The following MED13L variants were observed in gnomAD, a reference collection of about 807,000 sequenced individuals.
MED13L encodes the protein mediator complex subunit 13L.
Under a neutral mutation model 220.9 loss-of-function variants are expected in MED13L, and 7 were observed. The observed-to-expected ratio is 0.03, with a 90% CI of 0.02 to 0.06. The LOEUF is 0.06. Among genes scored for constraint, MED13L ranks in the 10% least tolerant of loss-of-function variants. The pLI is 1.00. For missense variants in MED13L, 1,965 were observed against 2,760.5 expected, an observed-to-expected ratio of 0.71 and a Z score of 6.46; for synonymous variants, 1,011 against 1,015.2, an observed-to-expected ratio of 1.00 and a Z score of 0.08.
At chr12:116,043,611 G>A (rs1343328337) in intron 4 of MED13L, among the ~76,000 whole-genome samples, 1 of 152,146 alleles carries the variant, frequency 6.6e-6, no homozygotes, top group Non-Finnish European at 1.5e-5. Flanking sequence ...AATAAAAGCA[G>A]GCAAGTTAAA....
chr12:116,118,176 C>A (rs1338656927), intron 2 of MED13L, among the ~76,000 whole-genome samples: 1 of 152,002 alleles, frequency 6.6e-6, no homozygotes, highest in African/African-American at 2.4e-5. Flanking sequence ...CTCATCTGTT[C>A]TTTTATATTC....
intron 2 of MED13L, among the ~76,000 whole-genome samples, chr12:116,135,197 G>A (rs868838308): frequency 3.9e-5 from 6 of 152,112 alleles, no homozygotes; most frequent in African/African-American, 1.4e-4. Flanking sequence ...AAAAGCAAGT[G>A]ACAACACATA....
chr12:116,270,079 G>A (rs1237735573), intron 1 of MED13L, among the ~76,000 whole-genome samples: 3 of 151,506 alleles, frequency 2.0e-5, no homozygotes, highest in African/African-American at 4.8e-5. Context: ...AAGAAAAACA[G>A]GAGTTCCTAA....
Position 116,076,658 on chromosome 12 carries a change from A to T in MED13L, c.479+20011T>A, listed in dbSNP as rs552037897. Among the ~76,000 whole-genome samples, 4 of 152,338 alleles carry T rather than the reference A, an allele frequency of 2.6e-5. No individual in the cohort carries two copies. In the South Asian group the frequency reaches 8.3e-4, roughly 32 times the overall value. On this transcript the variant is annotated intron_variant, in intron 4 of 30. Transcript: ENST00000281928. ...GAGCAATTGGGAGAAGTTATGTATGAATCACCATAATATTGTGACAAGTCT... is the reference window on the plus strand; with the variant it reads ...GAGCAATTGGGAGAAGTTATGTATGTATCACCATAATATTGTGACAAGTCT...
At chr12:116,118,865 AT>A (rs1300493610) in intron 2 of MED13L, among the ~76,000 whole-genome samples, 1 of 152,222 alleles carries the variant, frequency 6.6e-6, no homozygotes, top group Non-Finnish European at 1.5e-5. Context: ...AGCAAAAATT[AT>A]TTTGAAACTT....
intron 1 of MED13L, among the ~76,000 whole-genome samples, chr12:116,257,140 G>GA (rs1196318153): frequency 2.0e-5 from 3 of 152,192 alleles, no homozygotes; most frequent in Non-Finnish European, 4.4e-5. Flanking sequence ...AACTATAAGA[G>GA]AATTCTTGTG....
chr12:116,222,429 A>G (rs1317839332), intron 2 of MED13L, among the ~76,000 whole-genome samples: 1 of 152,214 alleles, frequency 6.6e-6, no homozygotes, highest in Non-Finnish European at 1.5e-5. Context: ...CCTCTGTTCC[A>G]TTTTGGATAT....
intron 14 of MED13L, 54 bp downstream of exon 14, chr12:116,002,949 T>C (rs889122438): frequency 3.8e-6 from 5 of 1,330,400 alleles, no homozygotes; most frequent in Non-Finnish European, 5.4e-6. Flanking sequence ...GAGAATATTA[T>C]ATCTAAGTTA....
intron 1 of MED13L, chr12:116,276,676 G>C: frequency 8.4e-7 from 1 of 1,189,770 alleles, no homozygotes. Flanking sequence ...CCGATCGGAG[G>C]CGCGGCAGCA....
chr12:116,224,017 T>A (rs759760737), intron 2 of MED13L, among the ~76,000 whole-genome samples: 4 of 152,226 alleles, frequency 2.6e-5, no homozygotes, highest in Non-Finnish European at 5.9e-5. Context: ...CCAATTTTAG[T>A]GTATGTGCTG....
chr12:116,146,400 G>A (rs546937151), intron 2 of MED13L, among the ~76,000 whole-genome samples: 8 of 151,468 alleles, frequency 5.3e-5, no homozygotes, highest in East Asian at 1.9e-4. Flanking sequence ...GATTACAGGC[G>A]TGAGCCACCG....
At chr12:116,011,797 G>A (rs1451100628) in intron 9 of MED13L, among the ~76,000 whole-genome samples, 1 of 152,150 alleles carries the variant, frequency 6.6e-6, no homozygotes, top group Non-Finnish European at 1.5e-5. Flanking sequence ...TCAACAAGAG[G>A]CTACCAAGGC....
chr12:115,989,207 A>C (rs1877897386), intron 17 of MED13L, among the ~76,000 whole-genome samples: 1 of 152,196 alleles, frequency 6.6e-6, no homozygotes, highest in African/African-American at 2.4e-5. Context: ...TTCGCACATC[A>C]TTCACACAAC....
intron 2 of MED13L, among the ~76,000 whole-genome samples, chr12:116,200,693 C>T (rs986667118): frequency 3.3e-5 from 5 of 152,186 alleles, no homozygotes; most frequent in African/African-American, 1.2e-4. Context: ...CTATACTAAG[C>T]ACACTTCAAA....
At chr12:116,035,603 T>A (rs61936954) in intron 4 of MED13L, among the ~76,000 whole-genome samples, 22,262 of 151,912 alleles carry the variant, frequency 0.15, 1,883 homozygotes, top group Middle Eastern at 0.21. Flanking sequence ...TTAATTAATT[T>A]ATTTAGAGAC....
In MED13L at chr12:116,038,751, A is replaced by AAAAAAAAAAAAG. The variant is rs1350309017; in HGVS notation, c.480-16151_480-16150insCTTTTTTTTTTT. Among the ~76,000 whole-genome samples, 3 of 124,254 alleles carry AAAAAAAAAAAAG rather than the reference A, an allele frequency of 2.4e-5. No homozygotes were observed. The East Asian group carries it at 5.9e-4, about 24-fold the overall frequency. The allele number at this position is 124,254 out of a possible 152,430, so 81.5% of individuals were successfully genotyped here. ...CCTATGCGGTCAAAAGGCCAAAAAA[A>AAAAAAAAAAAAG]AAAAAAAAAAAAAAAAAAAAGGAGA... On this transcript the variant is annotated intron_variant, in intron 4 of 30. Transcript: ENST00000281928.
intron 4 of MED13L, among the ~76,000 whole-genome samples, chr12:116,031,269 G>T (rs1345035703): frequency 6.6e-6 from 1 of 151,944 alleles, no homozygotes; most frequent in African/African-American, 2.4e-5. Context: ...GACAAGAAAA[G>T]AAAAAAGGTG....
At chr12:116,136,706 C>G (rs1030137477) in intron 2 of MED13L, among the ~76,000 whole-genome samples, 7 of 152,136 alleles carry the variant, frequency 4.6e-5, no homozygotes, top group Non-Finnish European at 8.8e-5. Flanking sequence ...TGCTCTTAAT[C>G]TGTATTTTTA....
intron 2 of MED13L, among the ~76,000 whole-genome samples, chr12:116,235,647 A>T (rs1488277039): frequency 6.6e-6 from 1 of 152,204 alleles, no homozygotes; most frequent in East Asian, 1.9e-4. Flanking sequence ...TTACACATGC[A>T]ATCTAAAGCA....
Sources: allele counts gnomAD v4.1 joint callset (sites outside exome capture counted in the v4.1 genomes callset), GRCh38; gene constraint gnomAD v4.1.1; transcripts MANE v1.5; gene names NCBI Gene and HGNC (gene_info 2026-07-23, HGNC 2026-07-21).